GPALPP1: variants seen among roughly 807,000 people sequenced by gnomAD.
GPALPP1 encodes GPALPP motifs containing 1.
GPALPP1 carries 30 observed loss-of-function variants against 38.9 expected under a neutral mutation model. The observed-to-expected ratio is 0.77, with a 90% confidence interval of 0.58 to 1.05. The LOEUF is 1.05. GPALPP1 is among the 50% of genes least tolerant of loss of function. GPALPP1 has a pLI of 0.00. For synonymous variants in GPALPP1, 120 were observed against 139.2 expected, an observed-to-expected ratio of 0.86 and a Z score of 0.97; for missense variants, 384 against 408.8, an observed-to-expected ratio of 0.94 and a Z score of 0.52.
chr13:44,989,937 T>C (rs550829246), intron 1 of GPALPP1, 195 bp downstream of exon 1: 98 of 595,114 alleles, frequency 1.6e-4, no homozygotes, highest in South Asian at 1.6e-3. Context: ...AAACGAGCTT[T>C]GGCGTGGTTT....
At position 45,027,816 on chromosome 13, in the gene GPALPP1, T is replaced by C. The variant is rs749873272; in HGVS notation, c.836T>C (p.Ile279Thr). ...ESKRSESLMD[I>T]HHKKLKSKAA... ...AAAAGATCAGAATCTCTTATGGACA[T>C]ACATCATAAAAAGTTAAAGAGTAAG... Residue 279 changes from isoleucine to threonine, a missense_variant, in exon 8 of 8, where the codon ATA becomes ACA. Transcript: ENST00000379151. 1 of 1,582,946 alleles carries C rather than the reference T, an allele frequency of 6.3e-7. No homozygotes were observed. Among genetic ancestry groups the C allele is most frequent in the Non-Finnish European group, 8.7e-7 (1 of 1,152,146 alleles).
intron 7 of GPALPP1, among the ~76,000 whole-genome samples, chr13:45,020,719 T>C (rs1207489302): frequency 6.6e-6 from 1 of 152,092 alleles, no homozygotes; most frequent in Non-Finnish European, 1.5e-5. Context: ...TTTATTTTTT[T>C]CTCTTTTACT....
chr13:45,001,911 C>T (rs1873708305), intron 1 of GPALPP1: 1 of 152,442 alleles, frequency 6.6e-6, no homozygotes, highest in Admixed American at 6.5e-5. Flanking sequence ...GAACTCCTGA[C>T]CTCGGGTGAT....
intron 6 of GPALPP1, 109 bp from the exon 7 acceptor site, chr13:45,020,221 C>G: frequency 1.8e-6 from 1 of 542,682 alleles, no homozygotes. Context: ...TTTCACAAAC[C>G]TGGCTTAGTT....
chr13:45,012,613 A>G (rs1218174621), intron 4 of GPALPP1, among the ~76,000 whole-genome samples: 2 of 152,328 alleles, frequency 1.3e-5, no homozygotes, highest in Admixed American at 1.3e-4. Context: ...AGTAGCTTAC[A>G]TCGTTTCCTT....
intron 1 of GPALPP1, among the ~76,000 whole-genome samples, chr13:44,995,189 C>CACACACACACACACACACACACAG (rs1873166818): frequency 2.3e-5 from 1 of 43,254 alleles, no homozygotes; most frequent in African/African-American, 4.5e-5. Flanking sequence ...CACACACACA[C>CACACACACACACACACACACACAG]ACACACACAC....
At chr13:45,027,582 A>G (rs2138020209) in intron 7 of GPALPP1, among the ~76,000 whole-genome samples, 1 of 151,976 alleles carries the variant, frequency 6.6e-6, no homozygotes, top group African/African-American at 2.4e-5. Context: ...TCTGATGTTT[A>G]GTATTTAAAT....
In GPALPP1 at chr13:45,028,381, C is replaced by T. The variant is rs1416438817; in HGVS notation, c.*378C>T. ...AATCCCAACTAGGAAATGTTTGTTG[C>T]TTAGAAAGGTCCCCTATAAGTTAAG... On this transcript the variant is annotated 3_prime_UTR_variant, in exon 8 of 8. Transcript: ENST00000379151. The T allele has an allele frequency of 6.3e-6, 1 of 158,434 alleles. No homozygotes were observed. Among genetic ancestry groups the T allele is most frequent in the Non-Finnish European group, 1.4e-5 (1 of 73,006 alleles). The allele number at this position is 158,434 out of a possible 1,614,324, so 9.8% of individuals were successfully genotyped here.
At chr13:45,015,345 G>T in intron 5 of GPALPP1, 87 bp from the exon 6 acceptor site, 1 of 765,812 alleles carries the variant, frequency 1.3e-6, no homozygotes, top group Non-Finnish European at 2.0e-6. Flanking sequence ...AACTTCAATT[G>T]CATGACACAG....
At chr13:45,027,016 A>T (rs1485686537) in intron 7 of GPALPP1, among the ~76,000 whole-genome samples, 1 of 152,172 alleles carries the variant, frequency 6.6e-6, no homozygotes, top group Non-Finnish European at 1.5e-5. Flanking sequence ...GAATCATGGA[A>T]AAATAGCCTT....
At chr13:45,009,413 A>G (rs554622996) in intron 4 of GPALPP1, among the ~76,000 whole-genome samples, 2 of 152,308 alleles carry the variant, frequency 1.3e-5, no homozygotes, top group Non-Finnish European at 2.9e-5. Flanking sequence ...GTACTTTACA[A>G]TTTGTAATGC....
intron 3 of GPALPP1, among the ~76,000 whole-genome samples, chr13:45,006,573 C>T (rs1874117596): frequency 6.6e-6 from 1 of 152,164 alleles, no homozygotes; most frequent in Non-Finnish European, 1.5e-5. Context: ...TGGATCACCC[C>T]TCTCCCCACT....
intron 1 of GPALPP1, among the ~76,000 whole-genome samples, chr13:45,000,432 G>T (rs758787616): frequency 6.6e-6 from 1 of 152,074 alleles, no homozygotes; most frequent in African/African-American, 2.4e-5. Flanking sequence ...AAATAAATGA[G>T]TGAATGAATA....
intron 1 of GPALPP1, among the ~76,000 whole-genome samples, chr13:44,993,450 A>T (rs905142993): frequency 1.3e-5 from 2 of 152,168 alleles, no homozygotes; most frequent in African/African-American, 4.8e-5. Flanking sequence ...CAGCCTGGCC[A>T]ACATGGTGAA....
At chr13:45,017,027 C>G (rs1431458020) in intron 6 of GPALPP1, among the ~76,000 whole-genome samples, 2 of 152,204 alleles carry the variant, frequency 1.3e-5, no homozygotes, top group Non-Finnish European at 1.5e-5. Context: ...TCAGTTCTGA[C>G]TAAAGCAGTT....
intron 1 of GPALPP1, among the ~76,000 whole-genome samples, chr13:45,004,051 G>T (rs1021313223): frequency 6.6e-6 from 1 of 151,710 alleles, no homozygotes; most frequent in African/African-American, 2.4e-5. Flanking sequence ...CTATAAGTTC[G>T]GGTTTATAAG....
chr13:45,017,199 C>G (rs1182310530), intron 6 of GPALPP1, among the ~76,000 whole-genome samples: 1 of 152,172 alleles, frequency 6.6e-6, no homozygotes, highest in Non-Finnish European at 1.5e-5. Flanking sequence ...TAAGGACTTT[C>G]CATTTTAGTG....
chr13:45,018,172 C>T (rs553891562), intron 6 of GPALPP1, among the ~76,000 whole-genome samples: 30 of 152,040 alleles, frequency 2.0e-4, no homozygotes, highest in Non-Finnish European at 3.5e-4. Context: ...CTGAGGTGGG[C>T]GGATCACAAG....
rs138421508 is a variant in GPALPP1 at position 45,006,230 on chromosome 13, G to A, written c.250G>A (p.Asp84Asn). The A allele has an allele frequency of 5.6e-5, 88 of 1,583,290 alleles. No homozygotes were observed. Among genetic ancestry groups the A allele is most frequent in the South Asian group, 4.4e-4 (39 of 88,694 alleles). Reference protein sequence around the residue: ...RKQRKNQDDDDDDDDGFFGPA... With the variant: ...RKQRKNQDDDNDDDDGFFGPA... ...ACAGAGGAAAAATCAGGATGATGAC[G>A]ATGATGATGATGATGGGTTTTTTGG... is the stretch of plus-strand genomic sequence containing the variant. Residue 84 changes from aspartate to asparagine, a missense_variant, in exon 3 of 8, where the codon GAT becomes AAT. By Grantham distance (23) the Asp-to-Asn change is conservative. Transcript: ENST00000379151.
Sources: gnomAD v4.1 joint callset for allele counts (sites outside exome capture counted in the v4.1 genomes callset) on GRCh38, gnomAD v4.1.1 for gene constraint, MANE v1.5 for transcripts, NCBI Gene and HGNC (gene_info 2026-07-23, HGNC 2026-07-21) for gene names.